CACNA1C: variants seen among roughly 807,000 people sequenced by gnomAD.
The protein encoded by CACNA1C is voltage-dependent L-type calcium channel subunit alpha-1C.
CACNA1C carries 30 observed loss-of-function variants against 229.0 expected under a neutral mutation model. The observed-to-expected ratio is 0.13, with a 90% CI of 0.10 to 0.18. The LOEUF (loss-of-function observed/expected upper bound fraction) is 0.18. Ranked by LOEUF, CACNA1C falls within the 10% of genes least tolerant of loss-of-function variation. The probability of loss-of-function intolerance (pLI) is 1.00; values close to 1 mark genes in which losing one functional copy is unlikely to be tolerated. For synonymous variants in CACNA1C, 1,114 were observed against 1,132.5 expected, an observed-to-expected ratio of 0.98 and a Z score of 0.33; for missense variants, 1,658 against 2,845.0, an observed-to-expected ratio of 0.58 and a Z score of 9.49.
intron 1 of CACNA1C, among the ~76,000 whole-genome samples, chr12:2,066,768 C>T (rs2059401203): frequency 6.6e-6 from 1 of 151,976 alleles, no homozygotes; most frequent in South Asian, 2.1e-4. Context: ...GAAGGCTCAA[C>T]CCCAGCAAAG....
intron 3 of CACNA1C, among the ~76,000 whole-genome samples, chr12:2,411,289 G>A (rs1268209683): frequency 6.6e-6 from 1 of 152,078 alleles, no homozygotes; most frequent in Admixed American, 6.6e-5. Context: ...AGGAAAAGCA[G>A]GGTGACTGGA....
chr12:2,102,589 AT>A (rs911049787), intron 1 of CACNA1C, among the ~76,000 whole-genome samples: 4 of 151,782 alleles, frequency 2.6e-5, no homozygotes, highest in South Asian at 2.1e-4. Flanking sequence ...ATTATTTTTT[AT>A]TTTTTTTAAT....
intron 1 of CACNA1C, among the ~76,000 whole-genome samples, chr12:1,990,266 G>GT (rs2039018774): frequency 6.6e-6 from 1 of 152,166 alleles, no homozygotes; most frequent in Non-Finnish European, 1.5e-5. Context: ...GACAGTAAAT[G>GT]TTTGTTGAAT....
chr12:2,266,373 G>C (rs2082402874), intron 3 of CACNA1C, among the ~76,000 whole-genome samples: 1 of 152,218 alleles, frequency 6.6e-6, no homozygotes, highest in Admixed American at 6.5e-5. Context: ...TGACCTGGGG[G>C]TTGCAGGGCC....
chr12:2,491,697 A>G (rs2099735146), intron 6 of CACNA1C, among the ~76,000 whole-genome samples: 2 of 152,168 alleles, frequency 1.3e-5, no homozygotes, highest in African/African-American at 2.4e-5. Flanking sequence ...GGAAGACACA[A>G]TCGGGCATAT....
chr12:2,140,028 T>C (rs2093985261), intron 3 of CACNA1C, among the ~76,000 whole-genome samples: 1 of 151,318 alleles, frequency 6.6e-6, no homozygotes. Context: ...CAGCTCTTGG[T>C]GGACCAGCGG....
At position 2,234,854 on chromosome 12, in the gene CACNA1C, C is replaced by T. The variant is rs566793003; in HGVS notation, c.477+114424C>T. 3.3e-5 allele frequency among the ~76,000 whole-genome samples: 5 copies of T among 152,196 alleles called. No homozygotes were observed. The South Asian group carries it at 1.0e-3, about 32-fold the overall frequency. On this transcript the variant is annotated intron_variant, in intron 3 of 46. Coordinates refer to ENST00000399655, the MANE Select transcript of CACNA1C (RefSeq NM_000719.7). ...GAGGAGAGGGAGGGGAAGATCCCTC[C>T]CAGGAGCTTTGGTTCAGACAAAACA...
At chr12:2,629,559 T>C (rs1475289551) in intron 29 of CACNA1C, among the ~76,000 whole-genome samples, 1 of 152,206 alleles carries the variant, frequency 6.6e-6, no homozygotes, top group African/African-American at 2.4e-5. Context: ...CTTTATCCCA[T>C]GTTCTAGGTG....
chr12:2,632,495 T>G lies in CACNA1C; in HGVS notation c.3829-1802T>G, dbSNP rs908863104. On this transcript the variant is annotated intron_variant, in intron 29 of 46. Transcript: ENST00000399655. The surrounding 1 kb of genome is among the most constrained non-coding windows in gnomAD (Gnocchi z 4.1). Reference sequence around the variant, plus strand: ...AGGGCCTCTGGGACAGCCCATTCCTTGGTTGACCTGTTGTCCAAGTACATG... The same window carrying G: ...AGGGCCTCTGGGACAGCCCATTCCTGGGTTGACCTGTTGTCCAAGTACATG... 6.6e-6 allele frequency among the ~76,000 whole-genome samples: 1 copy of G among 152,188 alleles called. No individual in the cohort carries two copies. The highest frequency in any genetic ancestry group is 1.5e-5 in the Non-Finnish European group (1 of 68,024).
chr12:2,565,460 C>A (rs547947939), intron 11 of CACNA1C, among the ~76,000 whole-genome samples: 18 of 124,934 alleles, frequency 1.4e-4, no homozygotes, highest in South Asian at 1.4e-3. Flanking sequence ...GGCGACAGAG[C>A]GAGACTCCGT....
chr12:2,111,525 G>C (rs1478952853), intron 1 of CACNA1C, among the ~76,000 whole-genome samples: 2 of 151,622 alleles, frequency 1.3e-5, no homozygotes, highest in African/African-American at 4.8e-5. Flanking sequence ...GGCAATGCAG[G>C]GGGGTGAGTA....
intron 3 of CACNA1C, among the ~76,000 whole-genome samples, chr12:2,387,356 G>A (rs935066572): frequency 6.6e-6 from 1 of 152,062 alleles, no homozygotes; most frequent in Non-Finnish European, 1.5e-5. Context: ...GTGGTGGCAG[G>A]CGCCTGTAAT....
At chr12:2,295,422 G>T (rs917095188) in intron 3 of CACNA1C, among the ~76,000 whole-genome samples, 1 of 151,970 alleles carries the variant, frequency 6.6e-6, no homozygotes, top group Non-Finnish European at 1.5e-5. Flanking sequence ...CTTCCTTACT[G>T]TGCACATGAG....
chr12:2,338,793 T>A (rs935630533), intron 3 of CACNA1C, among the ~76,000 whole-genome samples: 1 of 152,082 alleles, frequency 6.6e-6, no homozygotes, highest in Non-Finnish European at 1.5e-5. Context: ...TGAGGGCTTA[T>A]CCTAGGCCCA....
chr12:2,621,079 A>G (rs1265769624), intron 29 of CACNA1C, among the ~76,000 whole-genome samples: 1 of 152,136 alleles, frequency 6.6e-6, no homozygotes, highest in African/African-American at 2.4e-5. Flanking sequence ...CCCCTCTGTA[A>G]CTTCCACTTA....
intron 3 of CACNA1C, among the ~76,000 whole-genome samples, chr12:2,301,950 C>A (rs770632642): frequency 6.6e-6 from 1 of 152,100 alleles, no homozygotes; most frequent in Admixed American, 6.5e-5. Context: ...AGTGTGGTTG[C>A]GAGGCTATTT....
intron 3 of CACNA1C, among the ~76,000 whole-genome samples, chr12:2,432,020 C>A (rs2099090639): frequency 6.6e-6 from 1 of 152,208 alleles, no homozygotes; most frequent in African/African-American, 2.4e-5. Flanking sequence ...CTTTTAAGGG[C>A]AGGTCCCCAG....
rs931512679 is a variant in CACNA1C, at chr12:2,504,798, C to T, written c.1114-44C>T. On this transcript the variant is annotated intron_variant, in intron 7 of 46. Transcript: ENST00000399655. The surrounding 1 kb of genome is among the most constrained non-coding windows in gnomAD (Gnocchi z 6.8). ...GCCGGGGACCGGCACTGGCCGTGCT[C>T]GGTTGCTGAGTGTGCCTCACTAACT... 15 of 1,187,868 alleles carry T rather than the reference C, an allele frequency of 1.3e-5. No individual in the cohort carries two copies. The highest frequency in any genetic ancestry group is 1.8e-5 in the Non-Finnish European group (14 of 795,668). 73.6% of individuals were successfully genotyped at this position (1,187,868 alleles called of 1,614,324 possible). A position where few individuals can be genotyped will look rare whatever the true frequency, so the allele number is the denominator to read the frequency against.
chr12:2,173,013 C>A lies in CACNA1C; in HGVS notation c.477+52583C>A, dbSNP rs540343977. 1.1e-4 allele frequency among the ~76,000 whole-genome samples: 17 copies of A among 152,196 alleles called. No homozygotes were observed. The South Asian group carries it at 2.1e-3, about 19-fold the overall frequency. ...TTGCAGACAGGAGACTGGCGTCTGT[C>A]CAGGAGAGAGCAGGGCTTACTGTGA... On this transcript the variant is annotated intron_variant, in intron 3 of 46. Transcript: ENST00000399655.
Sources: gnomAD v4.1 joint callset for allele counts (sites outside exome capture counted in the v4.1 genomes callset) on GRCh38, gnomAD v4.1.1 for gene constraint, Gnocchi (gnomAD v3.1) non-coding constraint, MANE v1.5 for transcripts, NCBI Gene and HGNC (gene_info 2026-07-23, HGNC 2026-07-21) for gene names.